Variants in VAV3 observed in about 807,000 individuals in gnomAD.
The protein encoded by VAV3 is guanine nucleotide exchange factor VAV3.
Under a neutral mutation model 131.2 loss-of-function variants are expected in VAV3, and 94 were observed. The ratio of observed to expected loss-of-function variants is 0.72; its 90% CI spans 0.61 to 0.85. The LOEUF is 0.85. VAV3 is among the 40% of genes least tolerant of loss of function. The pLI is 0.00. For missense variants in VAV3, 939 were observed against 1,002.7 expected (o/e 0.94, Z 0.86); for synonymous variants, 349 against 342.0 (o/e 1.02, Z -0.22).
chr1:107,801,209 T>C lies in VAV3; in HGVS notation c.322-21717A>G, dbSNP rs944542325. Among the ~76,000 whole-genome samples, 4 of 152,188 alleles carry C rather than the reference T, an allele frequency of 2.6e-5. No individual in the cohort carries two copies. The South Asian group carries it at 6.2e-4, about 24-fold the overall frequency. ...TTCCATGCCATGCTGATTTGGTTAC[T>C]ATATTTTTGTAGTATATTTGGAAGT... On this transcript the variant is annotated intron_variant, in intron 2 of 26. Transcript: ENST00000370056.
At chr1:107,787,477 G>A (rs890096079) in intron 2 of VAV3, among the ~76,000 whole-genome samples, 5 of 152,186 alleles carry the variant, frequency 3.3e-5, no homozygotes, top group African/African-American at 1.2e-4. Context: ...GGCAGAGGGA[G>A]CTAGAGGGGT....
chr1:107,806,170 G>A (rs77477575), intron 2 of VAV3, among the ~76,000 whole-genome samples: 22,965 of 152,022 alleles, frequency 0.15, 2,016 homozygotes, highest in East Asian at 0.29. Flanking sequence ...TGCTTCCTAT[G>A]GGTTTAGGCA....
At chr1:107,721,407 T>C (rs1163257632) in intron 15 of VAV3, among the ~76,000 whole-genome samples, 1 of 152,116 alleles carries the variant, frequency 6.6e-6, no homozygotes, top group East Asian at 1.9e-4. Flanking sequence ...TTCTGAGACA[T>C]TTTCAGCACT....
Position 107,602,427 on chromosome 1 carries a change from A to T in VAV3, c.2190T>A (p.Ile730=). The part of the protein sequence containing the change: ...KILTRDGFFH[I]AENRKFKSLM... ...AACTTTTAAATTTTCTATTTTCTGC[A>T]ATGTGAAAAAAGCCATCTCTTGTTA... Residue 730 remains isoleucine (I), a synonymous_variant, in exon 24 of 27, where the codon ATT becomes ATA. Coordinates refer to ENST00000370056, the MANE Select transcript of VAV3 (RefSeq NM_006113.5). 1 of 1,575,516 alleles carries T rather than the reference A, an allele frequency of 6.3e-7. No individual in the cohort carries two copies. The highest frequency in any genetic ancestry group is 2.0e-5 in the Admixed American group (1 of 50,580).
At chr1:107,937,837 T>A (rs1378775146) in intron 1 of VAV3, among the ~76,000 whole-genome samples, 1 of 152,150 alleles carries the variant, frequency 6.6e-6, no homozygotes, top group Non-Finnish European at 1.5e-5. Flanking sequence ...AGGCCCCAAT[T>A]TAAGAAAAAT....
At chr1:107,658,108 A>T in intron 19 of VAV3, among the ~76,000 whole-genome samples, 1 of 152,210 alleles carries the variant, frequency 6.6e-6, no homozygotes, top group East Asian at 1.9e-4. Flanking sequence ...TTTCAAATTA[A>T]TGGCCTCAAT....
At position 107,653,215 on chromosome 1, in the gene VAV3, C is replaced by T. The variant is rs75606004; in HGVS notation, c.1778-10460G>A. On this transcript the variant is annotated intron_variant, in intron 19 of 26. Coordinates refer to ENST00000370056, the MANE Select transcript of VAV3 (RefSeq NM_006113.5). The stretch of plus-strand genomic sequence containing the variant: ...GTTTCAGAGAATGCAAATGACTCTG[C>T]ACCATCATTTCGATGTGCTGATTTT... Among the ~76,000 whole-genome samples, 11 of 151,882 alleles carry T rather than the reference C, an allele frequency of 7.2e-5. No homozygotes were observed. In the East Asian group the frequency reaches 1.9e-3, roughly 27 times the overall value.
At chr1:107,590,675 G>A (rs1277456098) in intron 25 of VAV3, among the ~76,000 whole-genome samples, 1 of 152,058 alleles carries the variant, frequency 6.6e-6, no homozygotes, top group African/African-American at 2.4e-5. Context: ...GATTGTTAAT[G>A]GTTTTATCAC....
At chr1:107,602,989 G>C in intron 23 of VAV3, 58 bp downstream of exon 23, 1 of 1,386,732 alleles carries the variant, frequency 7.2e-7, no homozygotes. Flanking sequence ...ATGTCAGATG[G>C]TCTATGCAAT....
intron 1 of VAV3, chr1:107,897,229 C>T (rs1344492855): frequency 2.0e-5 from 3 of 151,000 alleles, no homozygotes; most frequent in Non-Finnish European, 4.4e-5. Flanking sequence ...TTAATAAATG[C>T]CTTTGACTAC....
chr1:107,598,024 T>C (rs886769089), intron 24 of VAV3, among the ~76,000 whole-genome samples: 28 of 152,116 alleles, frequency 1.8e-4, no homozygotes, highest in African/African-American at 6.8e-4. Flanking sequence ...CTTAACTGTA[T>C]CATACTATTA....
chr1:107,619,642 T>C lies in VAV3; in HGVS notation c.1915-2010A>G, dbSNP rs1301714233. ...TGAGAGTACATAAAGGAAATAAGTC[T>C]ATTTTGCGAGGAAAGGCCAAAGAGA... On this transcript the variant is annotated intron_variant, in intron 20 of 26. Transcript: ENST00000370056. 3.3e-5 allele frequency among the ~76,000 whole-genome samples: 5 copies of C among 152,310 alleles called. No homozygotes were observed. In the East Asian group the frequency reaches 9.7e-4, roughly 29 times the overall value.
At chr1:107,813,702 T>C (rs1292252179) in intron 2 of VAV3, among the ~76,000 whole-genome samples, 1 of 152,166 alleles carries the variant, frequency 6.6e-6, no homozygotes, top group East Asian at 1.9e-4. Flanking sequence ...TAGAACTTAC[T>C]CCTTCTATCT....
chr1:107,748,350 T>C (rs1308065453), intron 15 of VAV3, among the ~76,000 whole-genome samples: 1 of 152,202 alleles, frequency 6.6e-6, no homozygotes, highest in Non-Finnish European at 1.5e-5. Flanking sequence ...GACCTGTTCT[T>C]GGTTATTACG....
At chr1:107,868,257 T>C (rs994788852) in intron 2 of VAV3, among the ~76,000 whole-genome samples, 42 of 152,172 alleles carry the variant, frequency 2.8e-4, no homozygotes, top group Admixed American at 2.0e-3. Context: ...GTCAAACAAG[T>C]ACCTAAAAAG....
chr1:107,823,672 G>A (rs1667895284), intron 2 of VAV3, among the ~76,000 whole-genome samples: 1 of 152,170 alleles, frequency 6.6e-6, no homozygotes, highest in Admixed American at 6.6e-5. Flanking sequence ...AAACTCCTAT[G>A]TTGAAGCCCT....
intron 2 of VAV3, among the ~76,000 whole-genome samples, chr1:107,849,435 G>T (rs1056393084): frequency 6.6e-6 from 1 of 151,842 alleles, no homozygotes; most frequent in Non-Finnish European, 1.5e-5. Context: ...CACATCTACA[G>T]CCATCTGATC....
chr1:107,892,221 G>T (rs557887721), intron 1 of VAV3, among the ~76,000 whole-genome samples: 2 of 152,128 alleles, frequency 1.3e-5, no homozygotes, highest in African/African-American at 4.8e-5. Flanking sequence ...TTATAATATG[G>T]GGAAAATTAC....
chr1:107,751,677 G>T (rs954905877), intron 12 of VAV3, among the ~76,000 whole-genome samples: 1 of 150,980 alleles, frequency 6.6e-6, no homozygotes, highest in Non-Finnish European at 1.5e-5. Context: ...AAAGGGGCGG[G>T]GGGGCGCGCG....
Sources: allele counts gnomAD v4.1 joint callset (sites outside exome capture counted in the v4.1 genomes callset), GRCh38; gene constraint gnomAD v4.1.1; transcripts MANE v1.5; gene names NCBI Gene and HGNC (gene_info 2026-07-23, HGNC 2026-07-21).